PTPRD: variants seen among roughly 807,000 people sequenced by gnomAD.
The protein encoded by PTPRD is receptor-type tyrosine-protein phosphatase delta.
A neutral mutation model predicts 214.5 loss-of-function variants in PTPRD; 34 were observed. The observed-to-expected ratio is 0.16, with a 90% CI of 0.12 to 0.21. PTPRD has a LOEUF of 0.21. Among genes scored for constraint, PTPRD ranks in the 10% least tolerant of loss-of-function variants. The pLI is 1.00. For missense variants in PTPRD, 2,545 were observed against 2,398.7 expected, an observed-to-expected ratio of 1.06 and a Z score of -1.27; for synonymous variants, 1,128 against 845.7, an observed-to-expected ratio of 1.33 and a Z score of -5.79.
At chr9:9,640,187 T>G (rs1230565398) in intron 7 of PTPRD, among the ~76,000 whole-genome samples, 1 of 152,170 alleles carries the variant, frequency 6.6e-6, no homozygotes, top group East Asian at 1.9e-4. Context: ...CCCATTCTTC[T>G]CACCAGAAGT....
intron 5 of PTPRD, among the ~76,000 whole-genome samples, chr9:9,774,876 A>G (rs2098784205): frequency 6.6e-6 from 1 of 152,200 alleles, no homozygotes; most frequent in Non-Finnish European, 1.5e-5. Flanking sequence ...GCATGATAGT[A>G]CCTCATAAAT....
chr9:9,765,171 C>CA (rs1156937574), intron 6 of PTPRD, among the ~76,000 whole-genome samples: 3 of 151,048 alleles, frequency 2.0e-5, no homozygotes, highest in Non-Finnish European at 4.4e-5. Flanking sequence ...AAAAGAGTGG[C>CA]AAAAAAAATA....
chr9:9,079,629 T>A (rs1359360670), intron 10 of PTPRD, among the ~76,000 whole-genome samples: 1 of 152,080 alleles, frequency 6.6e-6, no homozygotes, highest in Non-Finnish European at 1.5e-5. Flanking sequence ...TCTGAGTCCC[T>A]GAATTAGTTA....
intron 12 of PTPRD, among the ~76,000 whole-genome samples, chr9:8,665,980 A>C (rs1184669097): frequency 6.6e-6 from 1 of 152,122 alleles, no homozygotes; most frequent in Admixed American, 6.5e-5. Context: ...TGTGTTAACT[A>C]AAGAACTGAA....
chr9:10,094,375 C>A (rs921629684), intron 3 of PTPRD, among the ~76,000 whole-genome samples: 1 of 151,230 alleles, frequency 6.6e-6, no homozygotes, highest in Middle Eastern at 3.4e-3. Flanking sequence ...CATGATTTTC[C>A]AGATTCATAG....
At chr9:9,883,758 T>C (rs982351983) in intron 5 of PTPRD, among the ~76,000 whole-genome samples, 2 of 152,160 alleles carry the variant, frequency 1.3e-5, no homozygotes, top group Non-Finnish European at 2.9e-5. Flanking sequence ...TTTAGCCGTA[T>C]ACTGTGAAAT....
intron 5 of PTPRD, among the ~76,000 whole-genome samples, chr9:9,782,808 A>T (rs1193719979): frequency 6.6e-6 from 1 of 152,190 alleles, no homozygotes; most frequent in East Asian, 1.9e-4. Flanking sequence ...TGGTATTCTG[A>T]ATACTCAGGA....
At chr9:9,029,438 T>G (rs1175082902) in intron 10 of PTPRD, among the ~76,000 whole-genome samples, 1 of 151,850 alleles carries the variant, frequency 6.6e-6, no homozygotes, top group Non-Finnish European at 1.5e-5. Context: ...ATAAAGCAGG[T>G]GGCAATGGGA....
chr9:8,832,469 T>C (rs1437230598), intron 11 of PTPRD, among the ~76,000 whole-genome samples: 7 of 127,452 alleles, frequency 5.5e-5, no homozygotes, highest in Non-Finnish European at 9.5e-5. Flanking sequence ...ATGGGGAAAA[T>C]AGGCAATGAA....
chr9:10,442,716 C>A (rs1026223480), intron 2 of PTPRD, among the ~76,000 whole-genome samples: 1 of 151,570 alleles, frequency 6.6e-6, no homozygotes, highest in African/African-American at 2.4e-5. Context: ...GAAAACAAGG[C>A]AAGCATAAAT....
rs112915079 is a variant in PTPRD, at chr9:8,941,791, CTTGTTTGT to C, written c.-104+76898_-104+76905del. ...TTAACGTAAAACAGATAATAAAGGT[CTTGTTTGT>C]TTGTTTGTTTGTTTGTTTGTTTTGA... On this transcript the variant is annotated intron_variant, in intron 11 of 45. Coordinates refer to ENST00000381196, the MANE Select transcript of PTPRD (RefSeq NM_002839.4). 4.7e-3 allele frequency among the ~76,000 whole-genome samples: 710 copies of C among 150,680 alleles called. 6 individuals carry two copies. Among genetic ancestry groups the C allele is most frequent in the African/African-American group, 0.016 (662 of 41,048 alleles).
chr9:9,456,339 T>C (rs940951625), intron 8 of PTPRD, among the ~76,000 whole-genome samples: 7 of 151,714 alleles, frequency 4.6e-5, no homozygotes, highest in African/African-American at 1.5e-4. Flanking sequence ...TGATTAGGAA[T>C]AAAAAAATAT....
At chr9:10,527,526 T>C (rs2054680524) in intron 2 of PTPRD, among the ~76,000 whole-genome samples, 1 of 152,134 alleles carries the variant, frequency 6.6e-6, no homozygotes, top group African/African-American at 2.4e-5. Context: ...GCTTGTACAT[T>C]GTCATAAAAT....
chr9:8,441,721 CT>C (rs926521780), intron 34 of PTPRD, among the ~76,000 whole-genome samples: 1 of 152,038 alleles, frequency 6.6e-6, no homozygotes, highest in Non-Finnish European at 1.5e-5. Context: ...ATGGGTTCAT[CT>C]ACCTCCCCTT....
chr9:10,049,886 A>G (rs1589732635), intron 3 of PTPRD, among the ~76,000 whole-genome samples: 1 of 152,316 alleles, frequency 6.6e-6, no homozygotes, highest in Non-Finnish European at 1.5e-5. Flanking sequence ...ACAGTTAGTC[A>G]AGTTTCATTG....
chr9:10,347,067 G>A (rs1421223391), intron 2 of PTPRD, among the ~76,000 whole-genome samples: 1 of 151,930 alleles, frequency 6.6e-6, no homozygotes, highest in Admixed American at 6.6e-5. Flanking sequence ...CTTACTATAA[G>A]GCACACCTCC....
At chr9:10,425,069 A>G (rs969000535) in intron 2 of PTPRD, among the ~76,000 whole-genome samples, 18 of 152,134 alleles carry the variant, frequency 1.2e-4, no homozygotes, top group Middle Eastern at 3.4e-3. Context: ...GTAAATCCAT[A>G]TATTTCAGAA....
At chr9:8,733,749 C>A (rs2098686931) in intron 12 of PTPRD, 31 bp downstream of exon 12, 1 of 1,547,548 alleles carries the variant, frequency 6.5e-7, no homozygotes, top group Non-Finnish European at 8.7e-7. Flanking sequence ...ATTATGGTCA[C>A]AGCCCCCTAG....
At chr9:8,421,267 C>A (rs141159393) in intron 35 of PTPRD, among the ~76,000 whole-genome samples, 13 of 152,120 alleles carry the variant, frequency 8.5e-5, no homozygotes, top group African/African-American at 2.9e-4. Context: ...CTCCCTCTTT[C>A]TCTCATTCCT....
Sources: allele counts gnomAD v4.1 joint callset (sites outside exome capture counted in the v4.1 genomes callset), GRCh38; gene constraint gnomAD v4.1.1; transcripts MANE v1.5; gene names NCBI Gene and HGNC (gene_info 2026-07-23, HGNC 2026-07-21).